The following ARVCF variants were observed in gnomAD, a reference collection of about 807,000 sequenced individuals.
ARVCF encodes splicing regulator ARVCF.
Under a neutral mutation model 90.9 loss-of-function variants are expected in ARVCF, and 66 were observed. The observed-to-expected ratio is 0.73, with a 90% CI of 0.60 to 0.89. The LOEUF (loss-of-function observed/expected upper bound fraction) is 0.89, where lower values mean the gene tolerates loss of function less well. Ranked by LOEUF, ARVCF falls within the 40% of genes least tolerant of loss-of-function variation. The probability of loss-of-function intolerance (pLI) is 0.00; values close to 1 mark genes in which losing one functional copy is unlikely to be tolerated. For synonymous variants in ARVCF, 653 were observed against 603.4 expected, an observed-to-expected ratio of 1.08 and a Z score of -1.21; for missense variants, 1,469 against 1,382.3, an observed-to-expected ratio of 1.06 and a Z score of -1.00.
At chr22:19,973,836 C>G (rs762462385) in intron 12 of ARVCF, 43 bp from the exon 13 acceptor site, 1 of 1,576,542 alleles carries the variant, frequency 6.3e-7, no homozygotes, top group South Asian at 1.1e-5. Flanking sequence ...ACATGCCAGG[C>G]ACTCTCCCAC....
chr22:19,979,191 G>A (rs1435695177), intron 6 of ARVCF, 111 bp from the exon 7 acceptor site: 5 of 1,197,906 alleles, frequency 4.2e-6, no homozygotes, highest in Non-Finnish European at 4.7e-6. Flanking sequence ...AGCTCATGCA[G>A]AACAGTAGGA....
In ARVCF at chr22:19,972,987, A is replaced by G; in HGVS notation, c.2488T>C (p.Trp830Arg). Residue 830 changes from tryptophan to arginine, a missense_variant, in exon 15 of 20, where the codon TGG (tryptophan) becomes CGG (arginine). Trp to Arg is a moderately radical substitution (Grantham distance 101). Coordinates refer to ENST00000263207, the MANE Select transcript of ARVCF (RefSeq NM_001670.3). ...GTACCACGCAGCTCCTTGTAGCTCC[A>G]CACTGTCTGCAGCACGTGTGACGCC... ...KAASHVLQTV[W>R]SYKELRGTLQ... 2 of 1,613,532 alleles carry G rather than the reference A, an allele frequency of 1.2e-6. No homozygotes were observed. The highest frequency in any genetic ancestry group is 1.7e-6 in the Non-Finnish European group (2 of 1,179,998).
intron 2 of ARVCF, among the ~76,000 whole-genome samples, chr22:19,996,568 G>C (rs543357729): frequency 6.6e-6 from 1 of 152,316 alleles, no homozygotes; most frequent in African/African-American, 2.4e-5. Flanking sequence ...CGACATGTTG[G>C]GATCAAGTAT....
At position 19,979,924 on chromosome 22, in the gene ARVCF, A is replaced by G; in HGVS notation, c.1215T>C (p.Leu405=). 1 of 1,596,630 alleles carries G rather than the reference A, an allele frequency of 6.3e-7. No individual in the cohort carries two copies. Residue 405 remains leucine (L), a synonymous_variant, in exon 6 of 20, where the codon CTT becomes CTC. Transcript: ENST00000263207. ...CCCGCGGGTGGTCCAGCAGTGCCAC[A>G]AGCAGCGGCAGCCCCCGCAACTGCC... ...RVRQLRGLPL[L]VALLDHPRAE...
At position 19,981,119 on chromosome 22, in the gene ARVCF, T is replaced by C. The variant is rs140138018; in HGVS notation, c.896+92A>G. The C allele has an allele frequency of 2.7e-3, 3,829 of 1,417,388 alleles. 2 individuals carry two copies. Among genetic ancestry groups the C allele is most frequent in the Non-Finnish European group, 3.4e-3 (3,609 of 1,069,812 alleles). The allele number at this position is 1,417,388 out of a possible 1,614,324, so 87.8% of individuals were successfully genotyped here. A position where few individuals can be genotyped will look rare whatever the true frequency, so the allele number is the denominator to read the frequency against. ...AACTAACATGCATGACTAACTCAAC[T>C]GCGCCACTTGACAAGTGGGGCACTC... is the stretch of plus-strand genomic sequence containing the variant. On this transcript the variant is annotated intron_variant, in intron 5 of 19. Transcript: ENST00000263207.
chr22:19,966,870 G>T (rs569962842), downstream of ARVCF: 49 of 892,344 alleles, frequency 5.5e-5, no homozygotes, highest in Non-Finnish European at 6.3e-5. Flanking sequence ...GTCTAAGGAG[G>T]GTGGGCCAGA....
intron 18 of ARVCF, 99 bp downstream of exon 18, chr22:19,971,787 A>C: frequency 7.6e-7 from 1 of 1,312,322 alleles, no homozygotes; most frequent in Non-Finnish European, 1.1e-6. Flanking sequence ...GCTGTACCCC[A>C]GGGCCCAGAC....
chr22:19,988,368 G>A (rs935803856), intron 3 of ARVCF, among the ~76,000 whole-genome samples: 5 of 152,242 alleles, frequency 3.3e-5, no homozygotes, highest in South Asian at 4.1e-4. Context: ...CCAAAAACGC[G>A]CCCGCATCTT....
intron 1 of ARVCF, among the ~76,000 whole-genome samples, chr22:20,012,100 G>A (rs1944859569): frequency 7.4e-6 from 1 of 134,258 alleles, no homozygotes; most frequent in Non-Finnish European, 1.6e-5. Context: ...CACCCAGTTG[G>A]GGAAGTGTGA....
intron 6 of ARVCF, chr22:19,979,468 A>C: frequency 1.8e-6 from 1 of 568,192 alleles, no homozygotes. Flanking sequence ...GGGTCCCAGG[A>C]GAGTTTCTGT....
At chr22:20,004,730 G>C (rs930732447) in intron 2 of ARVCF, among the ~76,000 whole-genome samples, 1 of 152,112 alleles carries the variant, frequency 6.6e-6, no homozygotes, top group Non-Finnish European at 1.5e-5. Context: ...ACAGAGCCCA[G>C]AAACAAACCC....
intron 1 of ARVCF, among the ~76,000 whole-genome samples, chr22:20,015,925 C>G (rs1945083576): frequency 6.6e-6 from 1 of 151,872 alleles, no homozygotes; most frequent in African/African-American, 2.4e-5. Flanking sequence ...TAGGCTGGAG[C>G]TCTCAGGCCA....
Position 19,980,115 on chromosome 22 carries a change from G to A in ARVCF, c.1024C>T (p.Arg342Cys), listed in dbSNP as rs748654408. ...CGGGCGCTATCCACTGAGGGCGAGC[G>A]CCGCACCAGCCGGTCCAGGCTGCCC... Reference protein sequence around the residue: ...SMGSLDRLVRRSPSVDSARKE... With the variant: ...SMGSLDRLVRCSPSVDSARKE... Residue 342 changes from arginine to cysteine, a missense_variant, in exon 6 of 20, where the codon CGC becomes TGC. Arg to Cys is a radical substitution (Grantham distance 180, BLOSUM62 -3). Transcript: ENST00000263207. 65 of 1,586,840 alleles carry A rather than the reference G, an allele frequency of 4.1e-5. No individual in the cohort carries two copies. Among genetic ancestry groups the A allele is most frequent in the Non-Finnish European group, 5.0e-5 (58 of 1,170,396 alleles).
At chr22:19,991,609 G>C (rs184971400) in intron 2 of ARVCF, among the ~76,000 whole-genome samples, 10 of 152,368 alleles carry the variant, frequency 6.6e-5, no homozygotes, top group African/African-American at 2.4e-4. Context: ...GTGGGATTGG[G>C]CCTGCTGGGC....
intron 6 of ARVCF, among the ~76,000 whole-genome samples, 174 bp downstream of exon 6, chr22:19,979,569 G>A (rs946027977): frequency 1.3e-5 from 2 of 152,216 alleles, no homozygotes; most frequent in African/African-American, 4.8e-5. Context: ...TGGGGAACCT[G>A]TCACAGTGTC....
chr22:19,975,854 A>G, intron 10 of ARVCF, 97 bp from the exon 11 acceptor site: 1 of 1,306,752 alleles, frequency 7.7e-7, no homozygotes, highest in Non-Finnish European at 1.1e-6. Flanking sequence ...CAGGCCCCAA[A>G]AGGCACCCCC....
Position 19,977,955 on chromosome 22 carries a change from C to G in ARVCF, c.1698+3G>C. The G allele has an allele frequency of 1.9e-6, 3 of 1,602,458 alleles. No individual in the cohort carries two copies. Among genetic ancestry groups the G allele is most frequent in the Non-Finnish European group, 2.6e-6 (3 of 1,174,100 alleles). On this transcript the variant is annotated splice_donor_region_variant and intron_variant, in intron 8 of 19. Transcript: ENST00000263207. ...GTATGAGGCTGTGACCGTCCCTGCC[C>G]ACCTTGTTGTCAGTGTCCTTCCGGC... is the stretch of plus-strand genomic sequence containing the variant.
rs781657513 is a variant in ARVCF at position 19,982,052 on chromosome 22, G to A, written c.250C>T (p.Pro84Ser). Residue 84 changes from proline (P) to serine (S), a missense_variant, in exon 4 of 20, where the codon CCG becomes TCG. Transcript: ENST00000263207. ...PGSQASLATM[P>S]EAPDVLEETV... The stretch of plus-strand genomic sequence containing the variant: ...TCCTCCAGCACATCAGGTGCCTCCG[G>A]CATCGTGGCCAGTGAGGCCTGGCTG... 1 of 1,612,690 alleles carries A rather than the reference G, an allele frequency of 6.2e-7. No individual in the cohort carries two copies.
chr22:19,980,121 C>A lies in ARVCF; in HGVS notation c.1018G>T (p.Val340Leu). 1 of 1,590,600 alleles carries A rather than the reference C, an allele frequency of 6.3e-7. No individual in the cohort carries two copies. Among genetic ancestry groups the A allele is most frequent in the Non-Finnish European group, 8.5e-7 (1 of 1,171,618 alleles). Residue 340 changes from valine to leucine, a missense_variant, in exon 6 of 20, where the codon GTG becomes TTG. Physicochemically the swap from Val to Leu is conservative, Grantham distance 32 (BLOSUM62 1). Coordinates refer to ENST00000263207, the MANE Select transcript of ARVCF (RefSeq NM_001670.3). ...RGSMGSLDRL[V>L]RRSPSVDSAR... ...CTATCCACTGAGGGCGAGCGCCGCACCAGCCGGTCCAGGCTGCCCATGCTG... is the reference window on the plus strand; with the variant it reads ...CTATCCACTGAGGGCGAGCGCCGCAACAGCCGGTCCAGGCTGCCCATGCTG...
Sources: allele counts gnomAD v4.1 joint callset (sites outside exome capture counted in the v4.1 genomes callset), GRCh38; gene constraint gnomAD v4.1.1; transcripts MANE v1.5; gene names NCBI Gene and HGNC (gene_info 2026-07-23, HGNC 2026-07-21).